KCTD14: variants seen among roughly 807,000 people sequenced by gnomAD.
KCTD14 encodes the protein BTB/POZ domain-containing protein KCTD14.
In KCTD14, 7 loss-of-function variants were observed where a neutral mutation model predicts 5.9. That is an observed-to-expected ratio of 1.19 (90% CI 0.68 to 2.23). The LOEUF (loss-of-function observed/expected upper bound fraction) is 2.23. Among genes scored for constraint, KCTD14 ranks in the 30% most tolerant of loss-of-function variants. The pLI, the probability that KCTD14 is intolerant of heterozygous loss-of-function variation, is 0.00. For synonymous variants in KCTD14, 140 were observed against 133.1 expected (o/e 1.05, Z -0.36); for missense variants, 342 against 332.2 (o/e 1.03, Z -0.23).
chr11:78,026,802 T>C (rs1246958369), upstream of KCTD14, among the ~76,000 whole-genome samples: 1 of 152,014 alleles, frequency 6.6e-6, no homozygotes, highest in East Asian at 1.9e-4. Flanking sequence ...CTAGAGATTG[T>C]AAATAAATAT....
At chr11:78,038,179 T>G (rs1459313930) in intron 2 of KCTD14, among the ~76,000 whole-genome samples, 2 of 152,086 alleles carry the variant, frequency 1.3e-5, no homozygotes, top group African/African-American at 4.8e-5. Context: ...CAGAACGAAG[T>G]AGCCAACATG....
At chr11:78,024,709 G>A (rs1857404061), upstream of KCTD14, among the ~76,000 whole-genome samples, 1 of 151,822 alleles carries the variant, frequency 6.6e-6, no homozygotes, top group Non-Finnish European at 1.5e-5. Context: ...ACTTTGGGAG[G>A]CCATGGCAGG....
intron 2 of KCTD14, among the ~76,000 whole-genome samples, chr11:78,038,162 G>A (rs746178982): frequency 3.3e-5 from 5 of 152,080 alleles, no homozygotes; most frequent in Non-Finnish European, 5.9e-5. Flanking sequence ...GGCCAGCAAA[G>A]ACAGGACAGA....
At position 78,020,791 on chromosome 11, in the gene KCTD14, G is replaced by A. The variant is rs563915396; in HGVS notation, c.90+2369C>T. Reference sequence around the variant, plus strand: ...TATTAGCATGACTCCAACACAGTAAGGGTGCCTCACCGCCATCCTTCCCAA... The same window carrying A: ...TATTAGCATGACTCCAACACAGTAAAGGTGCCTCACCGCCATCCTTCCCAA... On this transcript the variant is annotated intron_variant, in intron 1 of 1. Coordinates refer to ENST00000353172, the MANE Select transcript of KCTD14 (RefSeq NM_023930.4). 1.7e-3 allele frequency among the ~76,000 whole-genome samples: 258 copies of A among 152,298 alleles called. 1 individual carries two copies. The highest frequency in any genetic ancestry group is 2.5e-3 in the Non-Finnish European group (169 of 68,024).
intron 1 of KCTD14, among the ~76,000 whole-genome samples, 174 bp from the exon 2 acceptor site, chr11:78,017,444 G>A (rs1001434463): frequency 1.3e-5 from 2 of 150,536 alleles, no homozygotes; most frequent in African/African-American, 4.9e-5. Context: ...TTGCTCCAGG[G>A]GGTGGGCTTT....
chr11:78,031,361 A>G (rs999631655), intron 2 of KCTD14, among the ~76,000 whole-genome samples: 1 of 151,360 alleles, frequency 6.6e-6, no homozygotes, highest in African/African-American at 2.4e-5. Context: ...CTTTTTATTT[A>G]TTTGTTTATT....
At chr11:78,019,639 T>C (rs1857261605) in intron 1 of KCTD14, among the ~76,000 whole-genome samples, 1 of 152,192 alleles carries the variant, frequency 6.6e-6, no homozygotes, top group Non-Finnish European at 1.5e-5. Context: ...GTTTGATGAA[T>C]GTTTTTCAAA....
upstream of KCTD14, chr11:78,023,279 CT>C (rs1236922803): frequency 1.9e-6 from 3 of 1,604,012 alleles, no homozygotes; most frequent in African/African-American, 1.3e-5. Flanking sequence ...GGAAGTGCCC[CT>C]GGCTGCCCGC....
Position 78,039,001 on chromosome 11 carries a change from T to C in KCTD14, c.-95-243A>G, listed in dbSNP as rs187184137. Among the ~76,000 whole-genome samples the C allele has an allele frequency of 4.3e-5, 6 of 139,916 alleles. No individual in the cohort carries two copies. The East Asian group carries it at 8.5e-4, about 20-fold the overall frequency. 91.8% of individuals were successfully genotyped at this position (139,916 alleles called of 152,430 possible). A position where few individuals can be genotyped will look rare whatever the true frequency, so the allele number is the denominator to read the frequency against. ...GAATTGGCGCCCTGCCTAAAACTCATGGGAATTTCCCCAGAAGGGAGAATA... is the reference window on the plus strand; with the variant it reads ...GAATTGGCGCCCTGCCTAAAACTCACGGGAATTTCCCCAGAAGGGAGAATA... On this transcript the variant is annotated intron_variant, in intron 1 of 2. Transcript: ENST00000533144.
intron 2 of KCTD14, among the ~76,000 whole-genome samples, chr11:78,033,988 G>C (rs1382954410): frequency 1.3e-5 from 2 of 150,820 alleles, no homozygotes; most frequent in Non-Finnish European, 2.9e-5. Context: ...ATATAAAGGA[G>C]ACTTAGTCAT....
intron 2 of KCTD14, among the ~76,000 whole-genome samples, chr11:78,029,760 G>A (rs1157954038): frequency 2.6e-5 from 4 of 151,742 alleles, no homozygotes. Context: ...GTTCCACAAG[G>A]AATCTCAGAC....
Position 78,033,901 on chromosome 11 carries a change from G to GTGTATATATATATATATATA in KCTD14, c.-1+4762_-1+4763insTATATATATATATATATACA. ...ATAGTGTGTGTGTATGTGTGTGTGTGTATATATATATATACACACATTATA... is the reference window on the plus strand; with the variant it reads ...ATAGTGTGTGTGTATGTGTGTGTGTGTGTATATATATATATATATATATATATATATATACACACATTATA... On this transcript the variant is annotated intron_variant, in intron 2 of 2. Coordinates refer to the KCTD14 transcript ENST00000533144. Among the ~76,000 whole-genome samples the GTGTATATATATATATATATA allele has an allele frequency of 2.5e-4, 29 of 115,590 alleles. 1 individual carries two copies. The highest frequency in any genetic ancestry group is 9.4e-4 in the African/African-American group (27 of 28,590). The allele number at this position is 115,590 out of a possible 152,430, so 75.8% of individuals were successfully genotyped here.
At chr11:78,038,767 G>A in intron 1 of KCTD14, 3 of 1,535,690 alleles carry the variant, frequency 2.0e-6, no homozygotes, top group Non-Finnish European at 2.6e-6. Context: ...CCCTGAAACA[G>A]AAAGAGAATT....
intron 1 of KCTD14, chr11:78,046,016 G>C (rs1374549742): frequency 2.4e-6 from 2 of 837,600 alleles, no homozygotes; most frequent in African/African-American, 3.7e-5. Context: ...GGAGGGGAGC[G>C]TTTGCCAGAA....
intron 1 of KCTD14, among the ~76,000 whole-genome samples, chr11:78,040,913 G>A (rs913614025): frequency 4.6e-5 from 7 of 152,140 alleles, no homozygotes; most frequent in Non-Finnish European, 1.0e-4. Flanking sequence ...CAGGTGACCC[G>A]CCCGCCTCAA....
chr11:78,018,341 G>C (rs1278406115), intron 1 of KCTD14, among the ~76,000 whole-genome samples: 3 of 152,010 alleles, frequency 2.0e-5, no homozygotes, highest in African/African-American at 7.3e-5. Context: ...AGGAGTTGGA[G>C]ACCAGCCTAG....
intron 2 of KCTD14, among the ~76,000 whole-genome samples, chr11:78,034,504 C>T (rs953399694): frequency 3.3e-5 from 5 of 151,972 alleles, no homozygotes; most frequent in African/African-American, 1.2e-4. Flanking sequence ...CTGTTTTTCA[C>T]CCAAACACTC....
chr11:78,037,678 G>T (rs1357705931), intron 2 of KCTD14, among the ~76,000 whole-genome samples: 2 of 152,100 alleles, frequency 1.3e-5, no homozygotes, highest in Non-Finnish European at 2.9e-5. Flanking sequence ...AATTAGCCGG[G>T]TGTGGTGGTG....
At chr11:78,033,962 G>A (rs1319021635) in intron 2 of KCTD14, among the ~76,000 whole-genome samples, 2 of 145,656 alleles carry the variant, frequency 1.4e-5, no homozygotes, top group African/African-American at 2.5e-5. Context: ...CATTTGCAAC[G>A]GTAATTTCTG....
Sources: gnomAD v4.1 joint callset for allele counts (sites outside exome capture counted in the v4.1 genomes callset) on GRCh38, gnomAD v4.1.1 for gene constraint, MANE v1.5 for transcripts, NCBI Gene and HGNC (gene_info 2026-07-23, HGNC 2026-07-21) for gene names.